Variants in OPCML observed in about 807,000 individuals in gnomAD.
OPCML encodes opioid binding protein/cell adhesion molecule like, also known as opioid-binding protein/cell adhesion molecule.
Under a neutral mutation model 37.8 loss-of-function variants are expected in OPCML, and 13 were observed. The observed-to-expected ratio is 0.34, with a 90% CI of 0.22 to 0.55. The LOEUF (loss-of-function observed/expected upper bound fraction) is 0.55. Among genes scored for constraint, OPCML ranks in the 20% least tolerant of loss-of-function variants. The pLI, the probability that OPCML is intolerant of heterozygous loss-of-function variation, is 0.91. For synonymous variants in OPCML, 176 were observed against 168.8 expected (o/e 1.04, Z -0.33); for missense variants, 341 against 435.6 (o/e 0.78, Z 1.93).
At chr11:133,436,514 GA>G (rs1946236815) in intron 1 of OPCML, among the ~76,000 whole-genome samples, 1 of 152,142 alleles carries the variant, frequency 6.6e-6, no homozygotes. Flanking sequence ...TCAGGATCTG[GA>G]GGTTCTGGGC....
rs1176055411 is a variant in OPCML, at chr11:132,943,848, CGG to C, written c.62-840_62-839del. 6.6e-6 allele frequency: 1 copy of C among 150,794 alleles called. No individual in the cohort carries two copies. The highest frequency in any genetic ancestry group is 1.5e-5 in the Non-Finnish European group (1 of 67,600). The allele number at this position is 150,794 out of a possible 1,614,324, so 9.3% of individuals were successfully genotyped here. A position where few individuals can be genotyped will look rare whatever the true frequency, so the allele number is the denominator to read the frequency against. On this transcript the variant is annotated intron_variant, in intron 1 of 7. Coordinates refer to ENST00000524381, the MANE Select transcript of OPCML (RefSeq NM_001012393.5). This position sits in a 1 kb window ranked among gnomAD's most constrained non-coding sequence, Gnocchi z 4.3. Reference sequence around the variant, plus strand: ...ACGCGGCACGAGACGCGGGGACGCGCGGACGCCACGCTCAGCGGCCGCCCCCG... The same window carrying C: ...ACGCGGCACGAGACGCGGGGACGCGCACGCCACGCTCAGCGGCCGCCCCCG...
chr11:133,348,577 T>A (rs1405995986), intron 1 of OPCML, among the ~76,000 whole-genome samples: 1 of 152,152 alleles, frequency 6.6e-6, no homozygotes, highest in Non-Finnish European at 1.5e-5. Flanking sequence ...GAGGAGCAGG[T>A]AACTTCTGAA....
At chr11:132,576,338 TTC>T (rs2096450747) in intron 3 of OPCML, among the ~76,000 whole-genome samples, 1 of 152,056 alleles carries the variant, frequency 6.6e-6, no homozygotes, top group Non-Finnish European at 1.5e-5. Context: ...TCTCTTTTTG[TTC>T]TCTGATTGAG....
chr11:133,503,656 G>A (rs1459113104), intron 1 of OPCML, among the ~76,000 whole-genome samples: 3 of 152,228 alleles, frequency 2.0e-5, no homozygotes, highest in Admixed American at 6.5e-5. Flanking sequence ...AAGCCTGCAC[G>A]AGGCAATTCC....
At chr11:132,908,793 A>G (rs143886443) in intron 2 of OPCML, among the ~76,000 whole-genome samples, 1 of 152,368 alleles carries the variant, frequency 6.6e-6, no homozygotes, top group East Asian at 1.9e-4. Context: ...AAGTGATGAT[A>G]GAGGAGCCTC....
At chr11:133,457,060 C>A (rs1272571795) in intron 1 of OPCML, among the ~76,000 whole-genome samples, 3 of 152,258 alleles carry the variant, frequency 2.0e-5, no homozygotes, top group Non-Finnish European at 4.4e-5. Context: ...CCCCAAGACA[C>A]ATTATTATCA....
At position 133,151,212 on chromosome 11, in the gene OPCML, G is replaced by A. The variant is rs191554678; in HGVS notation, c.62-208202C>T. ...CACTTGAACCCGGGAGGCGGAAGTT[G>A]CAGTGAGCTGAGATTATGCCACTGC... On this transcript the variant is annotated intron_variant, in intron 1 of 7. Transcript: ENST00000524381. Among the ~76,000 whole-genome samples, 102 of 152,216 alleles carry A rather than the reference G, an allele frequency of 6.7e-4. No individual in the cohort carries two copies. The East Asian group carries it at 0.015, about 22-fold the overall frequency.
At chr11:132,548,871 C>T (rs936099173) in intron 3 of OPCML, among the ~76,000 whole-genome samples, 1 of 152,156 alleles carries the variant, frequency 6.6e-6, no homozygotes, top group Non-Finnish European at 1.5e-5. Context: ...GCTAATGTAA[C>T]TGGAATACAG....
At chr11:132,675,725 C>G (rs2135832589) in intron 2 of OPCML, among the ~76,000 whole-genome samples, 1 of 152,152 alleles carries the variant, frequency 6.6e-6, no homozygotes, top group East Asian at 1.9e-4. Flanking sequence ...TTTTAAACTA[C>G]TTTTTACAAA....
chr11:132,720,825 T>C (rs1944651267), intron 2 of OPCML, among the ~76,000 whole-genome samples: 1 of 152,148 alleles, frequency 6.6e-6, no homozygotes, highest in Non-Finnish European at 1.5e-5. Flanking sequence ...AATAATATTA[T>C]TACCTTGTGT....
At chr11:133,110,047 G>A (rs1298479334) in intron 1 of OPCML, among the ~76,000 whole-genome samples, 1 of 152,118 alleles carries the variant, frequency 6.6e-6, no homozygotes, top group East Asian at 1.9e-4. Flanking sequence ...CAGAAATCTG[G>A]TGAGCAGAAC....
rs1392624320 is a variant in OPCML at position 132,657,164 on chromosome 11, T to A, written c.302A>T (p.Tyr101Phe). The change falls in exon 3 of 8, where the codon TAT becomes TTT. Residue 101 changes from tyrosine (Y) to phenylalanine (F), a missense_variant. Transcript: ENST00000524381. The part of the protein sequence containing the change: ...YSIMIQNVDV[Y>F]DEGPYTCSVQ... ...AGAGCAGGTGTACGGACCTTCGTCATACACATCCACATTTTGGATCATGAT... is the reference window on the plus strand; with the variant it reads ...AGAGCAGGTGTACGGACCTTCGTCAAACACATCCACATTTTGGATCATGAT... The A allele has an allele frequency of 1.4e-5, 23 of 1,614,154 alleles. No homozygotes were observed. Among genetic ancestry groups the A allele is most frequent in the Admixed American group, 1.2e-4 (7 of 60,010 alleles).
chr11:133,284,291 G>A (rs1303956273), intron 1 of OPCML, among the ~76,000 whole-genome samples: 2 of 152,200 alleles, frequency 1.3e-5, no homozygotes, highest in South Asian at 4.1e-4. Flanking sequence ...CTCGTCAGAG[G>A]CCCCTCTGGC....
At chr11:132,920,934 C>T in intron 2 of OPCML, among the ~76,000 whole-genome samples, 1 of 152,168 alleles carries the variant, frequency 6.6e-6, no homozygotes, top group African/African-American at 2.4e-5. Context: ...TCCAGCCAGT[C>T]CCTTCCTGCA....
chr11:133,207,753 C>G, intron 1 of OPCML, among the ~76,000 whole-genome samples: 1 of 152,152 alleles, frequency 6.6e-6, no homozygotes, highest in Non-Finnish European at 1.5e-5. Flanking sequence ...GGCAGATTGT[C>G]AAATGCTATT....
At chr11:132,870,739 C>G (rs1050809268) in intron 2 of OPCML, among the ~76,000 whole-genome samples, 2 of 152,128 alleles carry the variant, frequency 1.3e-5, no homozygotes, top group African/African-American at 2.4e-5. Flanking sequence ...TAAGGAAATC[C>G]TGTCATTTGG....
chr11:132,564,421 A>T (rs1034308217), intron 3 of OPCML, among the ~76,000 whole-genome samples: 3 of 152,214 alleles, frequency 2.0e-5, no homozygotes, highest in Non-Finnish European at 4.4e-5. Context: ...CCAGATTGTC[A>T]GTTCTCAGCA....
At chr11:133,353,285 G>C (rs995053872) in intron 1 of OPCML, among the ~76,000 whole-genome samples, 2 of 151,978 alleles carry the variant, frequency 1.3e-5, no homozygotes, top group East Asian at 3.9e-4. Context: ...TCTGGCCTCA[G>C]CCTCCCAAGT....
At chr11:132,709,974 C>T (rs1262114584) in intron 2 of OPCML, among the ~76,000 whole-genome samples, 1 of 152,146 alleles carries the variant, frequency 6.6e-6, no homozygotes, top group Non-Finnish European at 1.5e-5. Flanking sequence ...AATATTAGCT[C>T]AGTAAAGAAA....
Sources: allele counts gnomAD v4.1 joint callset (sites outside exome capture counted in the v4.1 genomes callset), GRCh38; gene constraint gnomAD v4.1.1; non-coding constraint Gnocchi (gnomAD v3.1); transcripts MANE v1.5; gene names NCBI Gene and HGNC (gene_info 2026-07-23, HGNC 2026-07-21).